Variants in SPCS2 observed in about 807,000 individuals in gnomAD.
SPCS2 encodes signal peptidase complex subunit 2.
Under a neutral mutation model 22.3 loss-of-function variants are expected in SPCS2, and 3 were observed. The ratio of observed to expected loss-of-function variants is 0.13; its 90% CI spans 0.06 to 0.35. The LOEUF (loss-of-function observed/expected upper bound fraction) is 0.35. SPCS2 is among the 10% of genes least tolerant of loss of function. The probability of loss-of-function intolerance (pLI) is 1.00; values close to 1 mark genes in which losing one functional copy is unlikely to be tolerated. For missense variants in SPCS2, 169 were observed against 280.9 expected, an observed-to-expected ratio of 0.60 and a Z score of 2.85; for synonymous variants, 67 against 97.2, an observed-to-expected ratio of 0.69 and a Z score of 1.83.
Position 74,977,539 on chromosome 11 carries a change from A to T in SPCS2, c.*496A>T, listed in dbSNP as rs1432126172. 6.6e-6 allele frequency: 1 copy of T among 152,442 alleles called. No individual in the cohort carries two copies. The highest frequency in any genetic ancestry group is 1.5e-5 in the Non-Finnish European group (1 of 68,016). The allele number at this position is 152,442 out of a possible 1,614,324, so 9.4% of individuals were successfully genotyped here. ...TATATATCTGATTTGGGAAGAATTT[A>T]AAAAACACATAGCTTTTTAATTTGT... On this transcript the variant is annotated 3_prime_UTR_variant, in exon 5 of 5. Coordinates refer to ENST00000263672, the MANE Select transcript of SPCS2 (RefSeq NM_014752.3).
intron 1 of SPCS2, among the ~76,000 whole-genome samples, chr11:74,954,637 G>A (rs578142445): frequency 6.6e-6 from 1 of 152,184 alleles, no homozygotes; most frequent in Non-Finnish European, 1.5e-5. Context: ...ATAATTGTGT[G>A]TGTGTGTTTA....
chr11:74,975,375 C>A (rs902522314), intron 4 of SPCS2, among the ~76,000 whole-genome samples: 91 of 152,162 alleles, frequency 6.0e-4, no homozygotes, highest in African/African-American at 2.2e-3. Context: ...ACTGTCTGTT[C>A]CCTCACACAC....
At chr11:74,970,657 A>AG (rs1194078026) in intron 4 of SPCS2, among the ~76,000 whole-genome samples, 1 of 152,228 alleles carries the variant, frequency 6.6e-6, no homozygotes, top group Non-Finnish European at 1.5e-5. Flanking sequence ...CCTATGAGAA[A>AG]GGGAAGCAGA....
At chr11:74,971,061 T>C (rs1189434619) in intron 4 of SPCS2, among the ~76,000 whole-genome samples, 3 of 152,180 alleles carry the variant, frequency 2.0e-5, no homozygotes, top group Non-Finnish European at 4.4e-5. Flanking sequence ...CCAGTCTACT[T>C]TCTCTGTTCT....
chr11:74,965,243 G>T, intron 2 of SPCS2, 126 bp downstream of exon 2: 1 of 646,764 alleles, frequency 1.5e-6, no homozygotes, highest in Non-Finnish European at 2.5e-6. Flanking sequence ...TCAGAAAGCA[G>T]TTTCTAAAAT....
rs1948493747 is a variant in SPCS2, at chr11:74,958,792, C to G, written c.115-6242C>G. 2.6e-5 allele frequency among the ~76,000 whole-genome samples: 4 copies of G among 152,122 alleles called. No individual in the cohort carries two copies. In the South Asian group the frequency reaches 8.3e-4, roughly 32 times the overall value. ...CCTGCCAATTCTACCTCAGAATACT[C>G]CCTTTCAGTCCCCCTACTGCTGCTC... On this transcript the variant is annotated intron_variant, in intron 1 of 4. Transcript: ENST00000263672.
At chr11:74,960,681 G>C (rs1268018590) in intron 1 of SPCS2, among the ~76,000 whole-genome samples, 4 of 152,040 alleles carry the variant, frequency 2.6e-5, no homozygotes, top group African/African-American at 7.2e-5. Context: ...GAGAGCATGG[G>C]TTTTGAGTCC....
intron 3 of SPCS2, among the ~76,000 whole-genome samples, chr11:74,968,724 C>T (rs959296639): frequency 1.3e-5 from 2 of 152,062 alleles, no homozygotes; most frequent in Non-Finnish European, 2.9e-5. Context: ...GGGGTTTCAC[C>T]ATGTTGGCCA....
intron 1 of SPCS2, among the ~76,000 whole-genome samples, chr11:74,951,679 G>C (rs1948446403): frequency 1.3e-5 from 2 of 151,878 alleles, no homozygotes; most frequent in Admixed American, 1.3e-4. Flanking sequence ...GTGTGGTGGT[G>C]CATGCCTGTA....
Position 74,969,607 on chromosome 11 carries a change from T to C in SPCS2, c.402T>C (p.Tyr134=), listed in dbSNP as rs771561009. The change falls in exon 4 of 5, where the codon TAT becomes TAC. Residue 134 remains tyrosine, a synonymous_variant. Transcript: ENST00000263672. The stretch of plus-strand genomic sequence containing the variant: ...GGATTCTGACCATTTATACCTCATA[T>C]AAGGAGAAGAGCATCTTTCTCGTGG... The part of the protein sequence containing the change: ...MMGILTIYTS[Y]KEKSIFLVAH... 51 of 1,613,474 alleles carry C rather than the reference T, an allele frequency of 3.2e-5. No homozygotes were observed. Among genetic ancestry groups the C allele is most frequent in the Non-Finnish European group, 4.3e-5 (51 of 1,179,444 alleles).
rs1948630395 is a variant in SPCS2 at position 74,978,955 on chromosome 11, T to C, written c.*1912T>C. 1 of 152,206 alleles carries C rather than the reference T, an allele frequency of 6.6e-6. No homozygotes were observed. Among genetic ancestry groups the C allele is most frequent in the South Asian group, 2.1e-4 (1 of 4,832 alleles). The allele number at this position is 152,206 out of a possible 1,614,324, so 9.4% of individuals were successfully genotyped here. A position where few individuals can be genotyped will look rare whatever the true frequency, so the allele number is the denominator to read the frequency against. ...TTGATATATGTCCTGTAATTTGTGT[T>C]TTAAACTTAATATATCTTAGGCATT... On this transcript the variant is annotated 3_prime_UTR_variant, in exon 5 of 5. Coordinates refer to ENST00000263672, the MANE Select transcript of SPCS2 (RefSeq NM_014752.3).
At chr11:74,957,504 A>C (rs1948486915) in intron 1 of SPCS2, among the ~76,000 whole-genome samples, 1 of 152,202 alleles carries the variant, frequency 6.6e-6, no homozygotes, top group Admixed American at 6.5e-5. Context: ...GCACATCTGT[A>C]TCAATGTAGT....
intron 1 of SPCS2, among the ~76,000 whole-genome samples, chr11:74,954,963 G>C (rs1948468248): frequency 6.6e-6 from 1 of 152,122 alleles, no homozygotes; most frequent in African/African-American, 2.4e-5. Context: ...ATAGCACATG[G>C]AAAGATGCGC....
intron 4 of SPCS2, among the ~76,000 whole-genome samples, chr11:74,974,763 A>T (rs577063): frequency 0.45 from 68,027 of 151,960 alleles, 15,661 homozygotes; most frequent in Middle Eastern, 0.53. Flanking sequence ...TACAGGCACC[A>T]GCCACCACGT....
intron 1 of SPCS2, among the ~76,000 whole-genome samples, chr11:74,954,760 A>G (rs1434334051): frequency 6.6e-6 from 1 of 152,212 alleles, no homozygotes; most frequent in Non-Finnish European, 1.5e-5. Flanking sequence ...GTCAAAGGCC[A>G]CTATCAAGAA....
At chr11:74,952,968 G>T (rs1216936282) in intron 1 of SPCS2, among the ~76,000 whole-genome samples, 1 of 152,166 alleles carries the variant, frequency 6.6e-6, no homozygotes, top group Non-Finnish European at 1.5e-5. Context: ...GTTTTCCTGT[G>T]AGTGCTTCTC....
intron 1 of SPCS2, among the ~76,000 whole-genome samples, chr11:74,950,207 T>G (rs1396158535): frequency 1.3e-5 from 2 of 152,060 alleles, no homozygotes; most frequent in African/African-American, 4.8e-5. Context: ...GTGTTGATTT[T>G]GCCTCTAATT....
Position 74,978,951 on chromosome 11 carries a change from G to T in SPCS2, c.*1908G>T, listed in dbSNP as rs939288357. 2.6e-5 allele frequency: 4 copies of T among 152,012 alleles called. No individual in the cohort carries two copies. Among genetic ancestry groups the T allele is most frequent in the African/African-American group, 9.7e-5 (4 of 41,358 alleles). 9.4% of individuals were successfully genotyped at this position (152,012 alleles called of 1,614,324 possible). A position where few individuals can be genotyped will look rare whatever the true frequency, so the allele number is the denominator to read the frequency against. On this transcript the variant is annotated 3_prime_UTR_variant, in exon 5 of 5. Transcript: ENST00000263672. ...TATGTTGATATATGTCCTGTAATTT[G>T]TGTTTTAAACTTAATATATCTTAGG... is the stretch of plus-strand genomic sequence containing the variant.
intron 1 of SPCS2, among the ~76,000 whole-genome samples, chr11:74,950,993 C>T (rs192727168): frequency 1.3e-5 from 2 of 152,282 alleles, no homozygotes; most frequent in East Asian, 3.9e-4. Context: ...ATAGCCTGTG[C>T]TTACCTGCCC....
Sources: gnomAD v4.1 joint callset for allele counts (sites outside exome capture counted in the v4.1 genomes callset) on GRCh38, gnomAD v4.1.1 for gene constraint, MANE v1.5 for transcripts, NCBI Gene and HGNC (gene_info 2026-07-23, HGNC 2026-07-21) for gene names.